The following FBN2 variants were observed in gnomAD, a reference collection of about 807,000 sequenced individuals.
FBN2 encodes the protein fibrillin 2, also known as fibrillin-2.
A neutral mutation model predicts 355.6 loss-of-function variants in FBN2; 105 were observed. That is an observed-to-expected ratio of 0.30 (90% CI 0.25 to 0.35). FBN2 has a LOEUF of 0.35. Among genes scored for constraint, FBN2 ranks in the 10% least tolerant of loss-of-function variants. FBN2 has a pLI of 1.00. For synonymous variants in FBN2, 1,350 were observed against 1,301.2 expected (o/e 1.04, Z -0.81); for missense variants, 3,280 against 3,758.7 (o/e 0.87, Z 3.33).
intron 7 of FBN2, among the ~76,000 whole-genome samples, chr5:128,421,737 A>G (rs1753354831): frequency 6.6e-6 from 1 of 152,214 alleles, no homozygotes; most frequent in Non-Finnish European, 1.5e-5. Flanking sequence ...GAAGATAAAG[A>G]AAAGGTAAAC....
intron 24 of FBN2, among the ~76,000 whole-genome samples, chr5:128,344,847 C>G (rs540644520): frequency 6.6e-6 from 1 of 151,874 alleles, no homozygotes; most frequent in Non-Finnish European, 1.5e-5. Flanking sequence ...ATTACAGGCG[C>G]GAGCCACCAC....
Position 128,448,523 on chromosome 5 carries a change from T to A in FBN2, c.827-1917A>T, listed in dbSNP as rs541197721. 3.5e-4 allele frequency among the ~76,000 whole-genome samples: 53 copies of A among 152,178 alleles called. No homozygotes were observed. In the South Asian group the frequency reaches 6.0e-3, roughly 17 times the overall value. ...GGTTTCTCCATGTTGGTCAGGCTGG[T>A]CTTGATCTCCTGACCTCAGATGATC... On this transcript the variant is annotated intron_variant, in intron 6 of 64. Coordinates refer to ENST00000262464, the MANE Select transcript of FBN2 (RefSeq NM_001999.4).
intron 5 of FBN2, among the ~76,000 whole-genome samples, chr5:128,512,749 A>T (rs2127153987): frequency 6.6e-6 from 1 of 152,248 alleles, no homozygotes; most frequent in African/African-American, 2.4e-5. Context: ...AGGTCGCAAC[A>T]TTCTTTTTTC....
At chr5:128,388,209 C>T (rs2126972090) in intron 11 of FBN2, among the ~76,000 whole-genome samples, 1 of 152,218 alleles carries the variant, frequency 6.6e-6, no homozygotes, top group South Asian at 2.1e-4. Flanking sequence ...TTTATCTATC[C>T]ATTTACTTTG....
intron 5 of FBN2, among the ~76,000 whole-genome samples, chr5:128,477,561 G>A (rs1755039009): frequency 6.6e-6 from 1 of 152,094 alleles, no homozygotes. Context: ...CAACCATGAA[G>A]TTTGCGTAGT....
rs375263283 is a variant in FBN2 at position 128,288,947 on chromosome 5, C to A, written c.6637+180G>T. 5.3e-5 allele frequency among the ~76,000 whole-genome samples: 8 copies of A among 152,326 alleles called. No individual in the cohort carries two copies. In the East Asian group the frequency reaches 1.2e-3, roughly 22 times the overall value. ...GAAGACAGAGGTTGTTAACTCTCTC[C>A]ATCTTCACATAAATCAGGTCTGACT... On this transcript the variant is annotated intron_variant, in intron 52 of 64. Transcript: ENST00000262464.
chr5:128,417,957 G>C (rs1210242590), intron 7 of FBN2, among the ~76,000 whole-genome samples: 1 of 152,048 alleles, frequency 6.6e-6, no homozygotes, highest in Non-Finnish European at 1.5e-5. Flanking sequence ...ATCCAATCCT[G>C]GGCTTTTCTT....
At chr5:128,308,929 T>C (rs1171006874) in intron 41 of FBN2, among the ~76,000 whole-genome samples, 1 of 152,232 alleles carries the variant, frequency 6.6e-6, no homozygotes, top group Non-Finnish European at 1.5e-5. Flanking sequence ...ACTCAAGAAA[T>C]ATTTGTTTGA....
chr5:128,395,805 G>C (rs1234688976), intron 8 of FBN2, among the ~76,000 whole-genome samples: 2 of 152,220 alleles, frequency 1.3e-5, no homozygotes, highest in African/African-American at 2.4e-5. Flanking sequence ...ATGTGGAAGG[G>C]AAAGTGCAGG....
rs114311230 is a variant in FBN2 at position 128,483,209 on chromosome 5, C to T, written c.629-18288G>A. ...TTGAAAAACTAACTATTGGGTACCA[C>T]GCTCAGTACCTGGATGACAGGATCA... is the stretch of plus-strand genomic sequence containing the variant. On this transcript the variant is annotated intron_variant, in intron 5 of 64. Transcript: ENST00000262464. 6.6e-3 allele frequency among the ~76,000 whole-genome samples: 1,007 copies of T among 152,228 alleles called. 15 individuals are homozygous for T. Among genetic ancestry groups the T allele is most frequent in the African/African-American group, 0.023 (935 of 41,528 alleles).
intron 62 of FBN2, among the ~76,000 whole-genome samples, chr5:128,264,842 T>C (rs564078850): frequency 6.6e-6 from 1 of 152,250 alleles, no homozygotes; most frequent in South Asian, 2.1e-4. Flanking sequence ...TCAGTGAGAT[T>C]TGGAAGATGC....
intron 51 of FBN2, 105 bp from the exon 52 acceptor site, chr5:128,289,357 G>T (rs1749255604): frequency 8.6e-7 from 1 of 1,156,914 alleles, no homozygotes; most frequent in Non-Finnish European, 1.3e-6. Flanking sequence ...GCCGAGGTGG[G>T]TGGATCACCT....
intron 55 of FBN2, among the ~76,000 whole-genome samples, chr5:128,285,171 C>T (rs773317600): frequency 1.3e-5 from 2 of 151,242 alleles, no homozygotes; most frequent in Non-Finnish European, 2.9e-5. Context: ...AACTGTAATA[C>T]TTTTAGTTTC....
At chr5:128,453,733 G>A (rs992827809) in intron 6 of FBN2, among the ~76,000 whole-genome samples, 1 of 151,942 alleles carries the variant, frequency 6.6e-6, no homozygotes, top group Non-Finnish European at 1.5e-5. Context: ...TGCAGAGTGG[G>A]GAAGGCTCAA....
chr5:128,485,937 C>T (rs1432892657), intron 5 of FBN2, among the ~76,000 whole-genome samples: 3 of 152,122 alleles, frequency 2.0e-5, no homozygotes, highest in African/African-American at 7.2e-5. Context: ...TAATTAAGAA[C>T]ACAGTGCTTC....
chr5:128,436,290 T>G (rs72785137), intron 7 of FBN2, among the ~76,000 whole-genome samples: 8,511 of 152,328 alleles, frequency 0.056, 332 homozygotes, highest in South Asian at 0.085. Flanking sequence ...TTCTTGGATG[T>G]GACGTTTCCA....
chr5:128,273,002 C>T (rs542656797), intron 61 of FBN2, among the ~76,000 whole-genome samples: 1 of 152,220 alleles, frequency 6.6e-6, no homozygotes, highest in Admixed American at 6.5e-5. Context: ...ACAAGCCTTA[C>T]AGAGAGCAAA....
chr5:128,378,007 AG>A (rs1752128432), intron 12 of FBN2, 130 bp from the exon 13 acceptor site: 25 of 555,474 alleles, frequency 4.5e-5, no homozygotes, highest in Non-Finnish European at 4.6e-5. Flanking sequence ...GTCTCTCAGC[AG>A]TTTTTTTTTT....
chr5:128,341,037 T>C (rs1751004739), intron 25 of FBN2, among the ~76,000 whole-genome samples: 1 of 151,902 alleles, frequency 6.6e-6, no homozygotes, highest in South Asian at 2.1e-4. Context: ...AGGCTGACAA[T>C]GAGTGTGGGT....
Sources: gnomAD v4.1 joint callset for allele counts (sites outside exome capture counted in the v4.1 genomes callset) on GRCh38, gnomAD v4.1.1 for gene constraint, MANE v1.5 for transcripts, NCBI Gene and HGNC (gene_info 2026-07-23, HGNC 2026-07-21) for gene names.